PPP2R5C: variants seen among roughly 807,000 people sequenced by gnomAD.
PPP2R5C encodes the protein serine/threonine-protein phosphatase 2A 56 kDa regulatory subunit gamma isoform.
A neutral mutation model predicts 68.9 loss-of-function variants in PPP2R5C; 7 were observed. That is an observed-to-expected ratio of 0.10 (90% CI 0.06 to 0.19). The LOEUF (loss-of-function observed/expected upper bound fraction) is 0.19, where lower values mean the gene tolerates loss of function less well. Ranked by LOEUF, PPP2R5C falls within the 10% of genes least tolerant of loss-of-function variation. PPP2R5C has a pLI of 1.00. For missense variants in PPP2R5C, 348 were observed against 641.3 expected, an observed-to-expected ratio of 0.54 and a Z score of 4.94; for synonymous variants, 210 against 222.2, an observed-to-expected ratio of 0.95 and a Z score of 0.49.
chr14:101,833,706 CTG>C (rs1243605264), intron 1 of PPP2R5C, among the ~76,000 whole-genome samples: 2 of 152,194 alleles, frequency 1.3e-5, no homozygotes, highest in South Asian at 2.1e-4. Flanking sequence ...TGTTCCAAAA[CTG>C]TTTTCTCAAG....
At chr14:101,819,110 T>C (rs1258145615) in intron 1 of PPP2R5C, 8 of 1,511,796 alleles carry the variant, frequency 5.3e-6, no homozygotes, top group Non-Finnish European at 6.3e-6. Flanking sequence ...TGTCTGTATA[T>C]GTGTGTTTAC....
rs747239760 is a variant in PPP2R5C at position 101,916,336 on chromosome 14, G to A, written c.1327-1495G>A. ...TGTGCCCCGTCTGTTTTTGGGGGAC[G>A]TGGAAGCCAGGTGGGCTGAGTTGAG... On this transcript the variant is annotated intron_variant, in intron 12 of 13. Coordinates refer to ENST00000334743, the Ensembl canonical transcript of PPP2R5C. This position sits in a 1 kb window ranked among gnomAD's most constrained non-coding sequence, Gnocchi z 5.5. Among the ~76,000 whole-genome samples the A allele has an allele frequency of 1.1e-4, 17 of 152,156 alleles. No individual in the cohort carries two copies. The highest frequency in any genetic ancestry group is 2.1e-4 in the Non-Finnish European group (14 of 68,032).
intron 3 of PPP2R5C, among the ~76,000 whole-genome samples, chr14:101,786,822 A>G (rs1390632758): frequency 6.6e-6 from 1 of 152,236 alleles, no homozygotes; most frequent in Non-Finnish European, 1.5e-5. Flanking sequence ...AAAACAGAGT[A>G]AGGACCGTAA....
chr14:101,888,511 A>T lies in PPP2R5C; in HGVS notation c.630-1726A>T, dbSNP rs977985054. On this transcript the variant is annotated intron_variant, in intron 5 of 13. Transcript: ENST00000334743. The surrounding 1 kb of genome is among the most constrained non-coding windows in gnomAD (Gnocchi z 5.6). ...CTTTGGCCACCTGCATTGTTGTGCT[A>T]CTGGGTCTCCCTGCTAAAGGTTCTG... Among the ~76,000 whole-genome samples, 6 of 152,118 alleles carry T rather than the reference A, an allele frequency of 3.9e-5. No individual in the cohort carries two copies. Among genetic ancestry groups the T allele is most frequent in the Non-Finnish European group, 7.4e-5 (5 of 68,026 alleles).
chr14:101,845,660 AC>A (rs1439623712), intron 1 of PPP2R5C, among the ~76,000 whole-genome samples: 2 of 152,048 alleles, frequency 1.3e-5, no homozygotes, highest in Non-Finnish European at 2.9e-5. Flanking sequence ...AGTGAATACT[AC>A]CCCTTTCTTC....
Position 101,894,507 on chromosome 14 carries a change from C to T in PPP2R5C, c.799C>T (p.Leu267=), listed in dbSNP as rs767150510. Residue 267 remains leucine (L), a splice_region_variant and synonymous_variant, in exon 8 of 14, where the codon CTG becomes TTG. Transcript: ENST00000334743. Reference sequence around the variant, plus strand: ...TGCTCTTTCTCCTTTTACTTTTTAGCTGGCATACTGTGTAGTGCAGTTTTT... The same window carrying T: ...TGCTCTTTCTCCTTTTACTTTTTAGTTGGCATACTGTGTAGTGCAGTTTTT... 3.1e-6 allele frequency: 5 copies of T among 1,613,496 alleles called. No individual in the cohort carries two copies. The highest frequency in any genetic ancestry group is 2.2e-5 in the South Asian group (2 of 91,074).
chr14:101,773,102 T>A (rs1456976009), intron 2 of PPP2R5C, among the ~76,000 whole-genome samples: 1 of 152,174 alleles, frequency 6.6e-6, no homozygotes, highest in Non-Finnish European at 1.5e-5. Flanking sequence ...TCCAGCAGGT[T>A]CATTCTGAGA....
chr14:101,791,743 C>T (rs1317737636), intron 3 of PPP2R5C, among the ~76,000 whole-genome samples: 1 of 151,768 alleles, frequency 6.6e-6, no homozygotes, highest in African/African-American at 2.4e-5. Flanking sequence ...CTTGAACATA[C>T]CATCAAAACT....
exon 11 of PPP2R5C, chr14:101,909,669 A>T: frequency 6.2e-7 from 1 of 1,602,048 alleles, no homozygotes; most frequent in Non-Finnish European, 8.5e-7. Flanking sequence ...TGTACACAAC[A>T]GTTCAAAGCA....
At chr14:101,900,982 C>T (rs1402656775) in intron 8 of PPP2R5C, among the ~76,000 whole-genome samples, 2 of 152,242 alleles carry the variant, frequency 1.3e-5, no homozygotes, top group East Asian at 3.8e-4. Context: ...GAGGTCCCAT[C>T]GCAGTACCTG....
At chr14:101,887,358 CAGAG>C (rs2044592706) in intron 5 of PPP2R5C, among the ~76,000 whole-genome samples, 1 of 152,250 alleles carries the variant, frequency 6.6e-6, no homozygotes, top group Admixed American at 6.5e-5. Context: ...TCTTATCTCA[CAGAG>C]AGATGCCATC....
Position 101,924,445 on chromosome 14 carries a change from C to CTTTTTTTTTTTTTTTTTTTTTTTTTTT in PPP2R5C, c.1444-684_1444-683insTTTTTTTTTTTTTTTTTTTTTTTTTTT, listed in dbSNP as rs11325673. Reference sequence around the variant, plus strand: ...TTTACCTCCAAGGAAATTTCTACATCTTTTTTTTTTTTGAGATGGAGTCTG... The same window carrying CTTTTTTTTTTTTTTTTTTTTTTTTTTT: ...TTTACCTCCAAGGAAATTTCTACATCTTTTTTTTTTTTTTTTTTTTTTTTTTTTTTTTTTTTTTTGAGATGGAGTCTG... On this transcript the variant is annotated intron_variant, in intron 13 of 13. Coordinates refer to ENST00000334743, the Ensembl canonical transcript of PPP2R5C. Among the ~76,000 whole-genome samples the CTTTTTTTTTTTTTTTTTTTTTTTTTTT allele has an allele frequency of 2.7e-3, 231 of 84,418 alleles. 34 individuals carry two copies. The highest frequency in any genetic ancestry group is 3.6e-3 in the African/African-American group (83 of 23,032). 55.4% of individuals were successfully genotyped at this position (84,418 alleles called of 152,430 possible).
chr14:101,821,798 A>G (rs1265512320), intron 1 of PPP2R5C, among the ~76,000 whole-genome samples: 3 of 152,084 alleles, frequency 2.0e-5, no homozygotes, highest in African/African-American at 7.2e-5. Flanking sequence ...GAGCTGTCAC[A>G]GACACTCGGC....
intron 2 of PPP2R5C, among the ~76,000 whole-genome samples, chr14:101,858,090 G>A (rs1056205584): frequency 2.3e-4 from 35 of 152,224 alleles, no homozygotes; most frequent in African/African-American, 7.5e-4. Context: ...AAGGCCATGC[G>A]GGTTCCTGTC....
At chr14:101,856,650 T>G in intron 1 of PPP2R5C, 36 bp from the exon 4 acceptor site, 1 of 1,577,724 alleles carries the variant, frequency 6.3e-7, no homozygotes, top group Non-Finnish European at 8.7e-7. Flanking sequence ...GGTTAAGCAC[T>G]TTTGTGATCA....
Position 101,888,613 on chromosome 14 carries a change from T to C in PPP2R5C, c.630-1624T>C, listed in dbSNP as rs1169178513. 6.6e-6 allele frequency among the ~76,000 whole-genome samples: 1 copy of C among 152,116 alleles called. No individual in the cohort carries two copies. Among genetic ancestry groups the C allele is most frequent in the Non-Finnish European group, 1.5e-5 (1 of 68,016 alleles). On this transcript the variant is annotated intron_variant, in intron 5 of 13. Coordinates refer to ENST00000334743, the Ensembl canonical transcript of PPP2R5C. This position sits in a 1 kb window ranked among gnomAD's most constrained non-coding sequence, Gnocchi z 5.6. ...TTTTGTTTTGTTTTGTTTTTTGTTT[T>C]GAAACAGGGTCTCTGTTGCCCAGGC...
chr14:101,762,692 A>C (rs994529484), intron 1 of PPP2R5C, among the ~76,000 whole-genome samples: 2 of 151,616 alleles, frequency 1.3e-5, no homozygotes, highest in South Asian at 4.2e-4. Context: ...TCAACCTCAA[A>C]TGCAGATAAA....
intron 1 of PPP2R5C, among the ~76,000 whole-genome samples, chr14:101,852,249 AT>A (rs2042198805): frequency 6.6e-6 from 1 of 152,162 alleles, no homozygotes; most frequent in African/African-American, 2.4e-5. Context: ...TGCACTCTAG[AT>A]ATCACTGACC....
At chr14:101,789,086 C>T (rs2038247272) in intron 3 of PPP2R5C, among the ~76,000 whole-genome samples, 1 of 152,118 alleles carries the variant, frequency 6.6e-6, no homozygotes, top group South Asian at 2.1e-4. Flanking sequence ...ACCACATTTT[C>T]GTATTAGTCT....
Sources: allele counts gnomAD v4.1 joint callset (sites outside exome capture counted in the v4.1 genomes callset), GRCh38; gene constraint gnomAD v4.1.1; non-coding constraint Gnocchi (gnomAD v3.1); transcripts MANE v1.5; gene names NCBI Gene and HGNC (gene_info 2026-07-23, HGNC 2026-07-21).